Variants in CAB39L observed in about 807,000 individuals in gnomAD.
CAB39L encodes calcium-binding protein 39-like.
A neutral mutation model predicts 39.1 loss-of-function variants in CAB39L; 23 were observed. That is an observed-to-expected ratio of 0.59 (90% CI 0.42 to 0.83). CAB39L has a LOEUF of 0.83. CAB39L is among the 40% of genes least tolerant of loss of function. The pLI is 0.00. For missense variants in CAB39L, 366 were observed against 391.9 expected (o/e 0.93, Z 0.56); for synonymous variants, 126 against 137.2 (o/e 0.92, Z 0.57).
intron 10 of CAB39L, among the ~76,000 whole-genome samples, chr13:49,324,929 G>A (rs1400659473): frequency 6.6e-6 from 1 of 152,078 alleles, no homozygotes; most frequent in Non-Finnish European, 1.5e-5. Flanking sequence ...TTTTATGCTA[G>A]GTAATATTCA....
chr13:49,404,507 CTCTTCAA>C (rs1956834067), intron 3 of CAB39L, among the ~76,000 whole-genome samples: 1 of 150,154 alleles, frequency 6.7e-6, no homozygotes, highest in Non-Finnish European at 1.5e-5. Flanking sequence ...AAATACCTAA[CTCTTCAA>C]TGCCCAGACA....
chr13:49,333,663 C>T (rs1044131131), intron 9 of CAB39L, among the ~76,000 whole-genome samples: 1 of 150,802 alleles, frequency 6.6e-6, no homozygotes, highest in African/African-American at 2.4e-5. Context: ...GCTCCACCTC[C>T]CAGGTTCATG....
rs1340045499 is a variant in CAB39L at position 49,310,946 on chromosome 13, C to A, written c.882G>T (p.Leu294=). Residue 294 remains leucine, a synonymous_variant, in exon 11 of 11, where the codon CTG becomes CTT. Transcript: ENST00000409308. ...PHKTQPIVEI[L]LKNQPKLIEF... ...CAATGAGTTTGGGCTGATTTTTTAACAGGATCTCCACAATAGGCTGTGTTT... is the reference window on the plus strand; with the variant it reads ...CAATGAGTTTGGGCTGATTTTTTAAAAGGATCTCCACAATAGGCTGTGTTT... The A allele has an allele frequency of 6.2e-7, 1 of 1,614,002 alleles. No individual in the cohort carries two copies. Among genetic ancestry groups the A allele is most frequent in the Non-Finnish European group, 8.5e-7 (1 of 1,180,020 alleles).
chr13:49,376,197 G>A (rs1956054985), intron 5 of CAB39L, among the ~76,000 whole-genome samples: 1 of 152,192 alleles, frequency 6.6e-6, no homozygotes, highest in African/African-American at 2.4e-5. Context: ...CTCTGAGAAT[G>A]AATGGAGACC....
At chr13:49,348,831 C>T (rs1434585455) in intron 7 of CAB39L, among the ~76,000 whole-genome samples, 1 of 152,216 alleles carries the variant, frequency 6.6e-6, no homozygotes, top group Non-Finnish European at 1.5e-5. Flanking sequence ...CGCTTAACCA[C>T]CCACCACTCT....
At chr13:49,363,094 A>G (rs1326487475) in intron 5 of CAB39L, among the ~76,000 whole-genome samples, 1 of 152,236 alleles carries the variant, frequency 6.6e-6, no homozygotes, top group Non-Finnish European at 1.5e-5. Context: ...AGAAATGCTA[A>G]GGGTAGTTCT....
chr13:49,335,259 T>C (rs1304375446), intron 9 of CAB39L, among the ~76,000 whole-genome samples: 1 of 152,166 alleles, frequency 6.6e-6, no homozygotes, highest in Non-Finnish European at 1.5e-5. Context: ...TTTGAAAATT[T>C]ACACACACAC....
At chr13:49,397,992 G>A (rs901163209) in intron 3 of CAB39L, among the ~76,000 whole-genome samples, 1 of 152,074 alleles carries the variant, frequency 6.6e-6, no homozygotes, top group African/African-American at 2.4e-5. Flanking sequence ...TACAAATAGT[G>A]TGAAATACAA....
chr13:49,406,747 T>G (rs1046718325), intron 3 of CAB39L, among the ~76,000 whole-genome samples: 2 of 152,218 alleles, frequency 1.3e-5, no homozygotes, highest in African/African-American at 4.8e-5. Context: ...CTCTACTGCT[T>G]TGCTCTTATA....
intron 6 of CAB39L, among the ~76,000 whole-genome samples, chr13:49,358,814 C>G (rs1955553370): frequency 6.6e-6 from 1 of 151,810 alleles, no homozygotes; most frequent in East Asian, 1.9e-4. Flanking sequence ...GAGCCAAGAT[C>G]GCATCACTGT....
chr13:49,428,719 A>G (rs1455986232), intron 3 of CAB39L, among the ~76,000 whole-genome samples: 2 of 152,206 alleles, frequency 1.3e-5, no homozygotes, highest in African/African-American at 4.8e-5. Context: ...TTTGGCCTGA[A>G]GAGAATAAAA....
intron 6 of CAB39L, among the ~76,000 whole-genome samples, chr13:49,351,794 C>T (rs1183759766): frequency 6.6e-6 from 1 of 152,216 alleles, no homozygotes; most frequent in Non-Finnish European, 1.5e-5. Context: ...ACAAGACTTG[C>T]TGATGATGTA....
chr13:49,400,655 T>C (rs555695862), intron 3 of CAB39L, among the ~76,000 whole-genome samples: 4 of 152,260 alleles, frequency 2.6e-5, no homozygotes, highest in Non-Finnish European at 5.9e-5. Flanking sequence ...CAGTCAACAT[T>C]TAAATTATAT....
intron 3 of CAB39L, among the ~76,000 whole-genome samples, chr13:49,425,962 CA>C (rs960277308): frequency 1.2e-4 from 18 of 152,118 alleles, no homozygotes; most frequent in African/African-American, 4.3e-4. Flanking sequence ...TTTGGGGGTC[CA>C]AAGGCATCTT....
chr13:49,356,335 AC>A (rs1955482190), intron 6 of CAB39L, among the ~76,000 whole-genome samples: 1 of 152,198 alleles, frequency 6.6e-6, no homozygotes, highest in African/African-American at 2.4e-5. Flanking sequence ...GCCTTCTGGA[AC>A]ATAGTCCACT....
At chr13:49,313,790 C>G (rs1954073181) in intron 10 of CAB39L, among the ~76,000 whole-genome samples, 1 of 152,202 alleles carries the variant, frequency 6.6e-6, no homozygotes, top group African/African-American at 2.4e-5. Flanking sequence ...TCTGCCCACC[C>G]ATCCCTGTCC....
At chr13:49,439,921 G>GTTTTTTTTTTTTTTTTTTTTTTTTTTTTT (rs34993624) in intron 1 of CAB39L, among the ~76,000 whole-genome samples, 3 of 78,540 alleles carry the variant, frequency 3.8e-5, no homozygotes, top group African/African-American at 9.3e-5. Context: ...TTTTTAATGG[G>GTTTTTTTTTTTTTTTTTTTTTTTTTTTTT]TTTTTTTTTT....
At chr13:49,340,248 A>C (rs1282011061) in intron 8 of CAB39L, among the ~76,000 whole-genome samples, 1 of 152,198 alleles carries the variant, frequency 6.6e-6, no homozygotes, top group Non-Finnish European at 1.5e-5. Context: ...AGCTGGGGAC[A>C]CTGGTGCACG....
intron 6 of CAB39L, among the ~76,000 whole-genome samples, chr13:49,358,634 G>A (rs868530846): frequency 1.3e-5 from 2 of 152,312 alleles, no homozygotes; most frequent in Middle Eastern, 3.4e-3. Flanking sequence ...TCTGAGGCAG[G>A]CAGATCACTT....
Sources: gnomAD v4.1 joint callset for allele counts (sites outside exome capture counted in the v4.1 genomes callset) on GRCh38, gnomAD v4.1.1 for gene constraint, MANE v1.5 for transcripts, NCBI Gene and HGNC (gene_info 2026-07-23, HGNC 2026-07-21) for gene names.